The following NLN variants were observed in gnomAD, a reference collection of about 807,000 sequenced individuals.
The protein encoded by NLN is neurolysin, mitochondrial.
A neutral mutation model predicts 79.9 loss-of-function variants in NLN; 64 were observed. The observed-to-expected ratio is 0.80, with a 90% CI of 0.65 to 0.99. The LOEUF (loss-of-function observed/expected upper bound fraction) is 0.99. Among genes scored for constraint, NLN ranks in the 50% least tolerant of loss-of-function variants. NLN has a pLI of 0.00. For missense variants in NLN, 835 were observed against 858.7 expected (o/e 0.97, Z 0.34); for synonymous variants, 267 against 296.6 (o/e 0.90, Z 1.02).
intron 7 of NLN, chr5:65,786,170 T>C (rs947950435): frequency 3.5e-6 from 1 of 283,266 alleles, no homozygotes; most frequent in African/African-American, 2.2e-5. Flanking sequence ...GACATGTAGG[T>C]TCTAACAGAG....
intron 3 of NLN, among the ~76,000 whole-genome samples, chr5:65,769,098 T>C (rs370634178): frequency 6.6e-6 from 1 of 152,238 alleles, no homozygotes; most frequent in African/African-American, 2.4e-5. Context: ...GCAAGGCACA[T>C]AGAAGCTACT....
At chr5:65,813,736 A>G (rs1044073143) in intron 12 of NLN, among the ~76,000 whole-genome samples, 50 of 151,996 alleles carry the variant, frequency 3.3e-4, no homozygotes, top group African/African-American at 1.1e-3. Flanking sequence ...AAACCAACCT[A>G]TTTGATATAG....
At chr5:65,809,724 G>T (rs1479490807) in intron 10 of NLN, 23 bp downstream of exon 10, 2 of 1,525,246 alleles carry the variant, frequency 1.3e-6, no homozygotes, top group Admixed American at 2.2e-5. Flanking sequence ...ATTTTAAAAA[G>T]GAAAATAAAT....
chr5:65,813,424 CATAG>C (rs1446700115), intron 12 of NLN, among the ~76,000 whole-genome samples: 3 of 152,120 alleles, frequency 2.0e-5, no homozygotes, highest in African/African-American at 7.2e-5. Context: ...ATGCCTCCAC[CATAG>C]AGATAGTGCC....
chr5:65,795,666 G>A (rs1056906586), intron 9 of NLN, among the ~76,000 whole-genome samples: 1 of 152,182 alleles, frequency 6.6e-6, no homozygotes, highest in African/African-American at 2.4e-5. Flanking sequence ...CAGCCAGGGT[G>A]ACAGAGTGAG....
chr5:65,776,954 T>C (rs1332804377), intron 3 of NLN, among the ~76,000 whole-genome samples: 1 of 152,168 alleles, frequency 6.6e-6, no homozygotes, highest in African/African-American at 2.4e-5. Context: ...GCTCTCCCCG[T>C]TTGGTATATT....
rs2707778 is a variant in NLN, at chr5:65,786,050, T to A, written c.958+140T>A. The A allele has an allele frequency of 0.24, 162,316 of 690,162 alleles. 20,007 individuals carry two copies. Among genetic ancestry groups the A allele is most frequent in the Middle Eastern group, 0.29 (919 of 3,204 alleles). 42.8% of individuals were successfully genotyped at this position (690,162 alleles called of 1,614,324 possible). ...AGTATATTGATCACCTATTAAGTGT[T>A]AGATAGTGTGCTTGGTTGTAGGGAC... is the stretch of plus-strand genomic sequence containing the variant. On this transcript the variant is annotated intron_variant, in intron 7 of 12. Coordinates refer to ENST00000380985, the MANE Select transcript of NLN (RefSeq NM_020726.5).
intron 1 of NLN, among the ~76,000 whole-genome samples, chr5:65,727,549 A>G (rs911432359): frequency 4.6e-5 from 7 of 151,880 alleles, no homozygotes; most frequent in African/African-American, 7.2e-5. Context: ...AAAGCAAAAA[A>G]CCTCTATATT....
chr5:65,742,816 G>A (rs1758900782), intron 1 of NLN, among the ~76,000 whole-genome samples: 2 of 152,146 alleles, frequency 1.3e-5, no homozygotes, highest in Admixed American at 6.5e-5. Context: ...TCTTTATGAC[G>A]TGTCTCTCAC....
chr5:65,747,742 G>A (rs1460914029), intron 1 of NLN, among the ~76,000 whole-genome samples: 1 of 152,176 alleles, frequency 6.6e-6, no homozygotes, highest in Non-Finnish European at 1.5e-5. Context: ...TGGACCCTAG[G>A]AAGGGGCCCA....
In NLN at chr5:65,763,020, C is replaced by T; in HGVS notation, c.362C>T (p.Ala121Val). 4 of 1,613,818 alleles carry T rather than the reference C, an allele frequency of 2.5e-6. No homozygotes were observed. Among genetic ancestry groups the T allele is most frequent in the Non-Finnish European group, 3.4e-6 (4 of 1,179,856 alleles). Residue 121 changes from alanine (A) to valine (V), a missense_variant, in exon 3 of 13, where the codon GCA becomes GTA. Transcript: ENST00000380985. ...TCCTCTGACAAAGAAGTACGAGCAG[C>T]AAGTACAGAAGCAGACAAAAGACTT... is the stretch of plus-strand genomic sequence containing the variant. ...HVSSDKEVRA[A>V]STEADKRLSR...
intron 3 of NLN, among the ~76,000 whole-genome samples, chr5:65,764,449 C>T (rs1158945591): frequency 6.6e-6 from 1 of 152,188 alleles, no homozygotes; most frequent in Non-Finnish European, 1.5e-5. Flanking sequence ...ATCACTTGAA[C>T]CCAGGAGGCA....
At chr5:65,751,485 A>G (rs1404901700) in intron 1 of NLN, among the ~76,000 whole-genome samples, 2 of 152,224 alleles carry the variant, frequency 1.3e-5, no homozygotes, top group Non-Finnish European at 2.9e-5. Flanking sequence ...AGAAATGTAC[A>G]GTGGCCATTG....
chr5:65,763,034 G>C lies in NLN; in HGVS notation c.376G>C (p.Asp126His), dbSNP rs1759372949. The change falls in exon 3 of 13, where the codon GAC becomes CAC. Residue 126 changes from aspartate to histidine, a missense_variant. Physicochemically the swap from Asp to His is moderately conservative, Grantham distance 81. Transcript: ENST00000380985. ...KEVRAASTEA[D>H]KRLSRFDIEM... ...AGTACGAGCAGCAAGTACAGAAGCA[G>C]ACAAAAGACTTTCTCGTTTTGATAT... 6.2e-7 allele frequency: 1 copy of C among 1,613,800 alleles called. No individual in the cohort carries two copies.
At chr5:65,790,479 CCTT>C (rs1760030606) in intron 8 of NLN, among the ~76,000 whole-genome samples, 1 of 152,166 alleles carries the variant, frequency 6.6e-6, no homozygotes, top group Non-Finnish European at 1.5e-5. Flanking sequence ...ACAAACACAT[CCTT>C]CTTCACGTGG....
At position 65,810,151 on chromosome 5, in the gene NLN, T is replaced by C. The variant is rs1760512686; in HGVS notation, c.1829T>C (p.Val610Ala). 2.5e-6 allele frequency: 4 copies of C among 1,613,870 alleles called. No individual in the cohort carries two copies. The highest frequency in any genetic ancestry group is 1.6e-4 in the Middle Eastern group (1 of 6,062). ...YAKYCSEILG[V>A]AATPGTNMPA... ...AAATACTGCTCAGAAATATTAGGAGTTGCAGCTACTCCAGGTATGTAACTA... is the reference window on the plus strand; with the variant it reads ...AAATACTGCTCAGAAATATTAGGAGCTGCAGCTACTCCAGGTATGTAACTA... Residue 610 changes from valine to alanine, a missense_variant, in exon 11 of 13, where the codon GTT becomes GCT. By Grantham distance (64) the Val-to-Ala change is moderately conservative. Transcript: ENST00000380985.
chr5:65,796,946 T>C (rs1258646436), intron 9 of NLN, among the ~76,000 whole-genome samples: 1 of 152,254 alleles, frequency 6.6e-6, no homozygotes. Flanking sequence ...CGTTTGAGCT[T>C]GTCATCGTAA....
chr5:65,802,600 C>T (rs959799169), intron 9 of NLN, among the ~76,000 whole-genome samples: 3 of 152,214 alleles, frequency 2.0e-5, no homozygotes, highest in Non-Finnish European at 4.4e-5. Flanking sequence ...TTAGGCCCCA[C>T]CATTCGGCAG....
chr5:65,758,650 T>C lies in NLN; in HGVS notation c.125T>C (p.Val42Ala), dbSNP rs1193829589. ...CTTCAGGCAATGTCTTCCTATACTG[T>C]GGCTGGCAGAAATGTTTTAAGATGG... ...SPLQAMSSYT[V>A]AGRNVLRWDL... The change falls in exon 2 of 13, where the codon GTG becomes GCG. Residue 42 changes from valine to alanine, a missense_variant. Val to Ala is a moderately conservative substitution (Grantham distance 64, BLOSUM62 0). Coordinates refer to ENST00000380985, the MANE Select transcript of NLN (RefSeq NM_020726.5). 6.2e-7 allele frequency: 1 copy of C among 1,613,558 alleles called. No individual in the cohort carries two copies. Among genetic ancestry groups the C allele is most frequent in the Admixed American group, 1.7e-5 (1 of 59,948 alleles).
Sources: allele counts gnomAD v4.1 joint callset (sites outside exome capture counted in the v4.1 genomes callset), GRCh38; gene constraint gnomAD v4.1.1; transcripts MANE v1.5; gene names NCBI Gene and HGNC (gene_info 2026-07-23, HGNC 2026-07-21).